Variants in IQCH observed in about 807,000 individuals in gnomAD.
IQCH encodes IQ domain-containing protein H.
In IQCH, 98 loss-of-function variants were observed where a neutral mutation model predicts 117.0. The ratio of observed to expected loss-of-function variants is 0.84; its 90% confidence interval spans 0.71 to 0.99. IQCH has a LOEUF of 0.99. Among genes scored for constraint, IQCH ranks in the 50% least tolerant of loss-of-function variants. IQCH has a pLI of 0.00. For missense variants in IQCH, 1,102 were observed against 1,243.8 expected (o/e 0.89, Z 1.72); for synonymous variants, 412 against 448.2 (o/e 0.92, Z 1.02).
In IQCH at chr15:67,417,680, T is replaced by A. The variant is rs759690199; in HGVS notation, c.2218+629T>A. The stretch of plus-strand genomic sequence containing the variant: ...ATTGGGTGGTCTATGAATGAGGGAA[T>A]GAATGGAGTGAATGATGCCTGTCTA... On this transcript the variant is annotated intron_variant, in intron 15 of 20. Transcript: ENST00000335894. This position sits in a 1 kb window ranked among gnomAD's most constrained non-coding sequence, Gnocchi z 4.3. Among the ~76,000 whole-genome samples the A allele has an allele frequency of 5.3e-5, 8 of 152,054 alleles. No individual in the cohort carries two copies. The highest frequency in any genetic ancestry group is 1.0e-4 in the Non-Finnish European group (7 of 68,022).
At chr15:67,347,875 A>G (rs1421591296) in intron 6 of IQCH, among the ~76,000 whole-genome samples, 1 of 147,530 alleles carries the variant, frequency 6.8e-6, no homozygotes, top group African/African-American at 2.5e-5. Context: ...ATATATTTAT[A>G]TATAGATATA....
In IQCH at chr15:67,417,163, A is replaced by G. The variant is rs1341305039; in HGVS notation, c.2218+112A>G. 2.3e-6 allele frequency: 2 copies of G among 866,422 alleles called. No individual in the cohort carries two copies. Among genetic ancestry groups the G allele is most frequent in the Non-Finnish European group, 3.3e-6 (2 of 602,060 alleles). The allele number at this position is 866,422 out of a possible 1,614,324, so 53.7% of individuals were successfully genotyped here. A position where few individuals can be genotyped will look rare whatever the true frequency, so the allele number is the denominator to read the frequency against. On this transcript the variant is annotated intron_variant, in intron 15 of 20. Coordinates refer to ENST00000335894, the MANE Select transcript of IQCH (RefSeq NM_001031715.3). The surrounding 1 kb of genome is among the most constrained non-coding windows in gnomAD (Gnocchi z 4.3). ...CTTTGCATCTCCTGTGTTGGTTTAG[A>G]AAAGTGCTCCTACGGTTTTCTTTTT...
Position 67,490,771 on chromosome 15 carries a change from C to T in IQCH, c.2861+707C>T, listed in dbSNP as rs1471531844. On this transcript the variant is annotated intron_variant, in intron 19 of 20. Transcript: ENST00000335894. This position sits in a 1 kb window ranked among gnomAD's most constrained non-coding sequence, Gnocchi z 4.9. ...TCCCCCTAACAGGCAGGATCTGTAGCTCCTCCTCAGATCCAGTTTCAACCC... is the reference window on the plus strand; with the variant it reads ...TCCCCCTAACAGGCAGGATCTGTAGTTCCTCCTCAGATCCAGTTTCAACCC... Among the ~76,000 whole-genome samples, 5 of 152,178 alleles carry T rather than the reference C, an allele frequency of 3.3e-5. No individual in the cohort carries two copies. The highest frequency in any genetic ancestry group is 1.2e-4 in the African/African-American group (5 of 41,440).
Position 67,490,505 on chromosome 15 carries a change from A to G in IQCH, c.2861+441A>G, listed in dbSNP as rs2083620053. On this transcript the variant is annotated intron_variant, in intron 19 of 20. Coordinates refer to ENST00000335894, the MANE Select transcript of IQCH (RefSeq NM_001031715.3). The surrounding 1 kb of genome is among the most constrained non-coding windows in gnomAD (Gnocchi z 4.9). The stretch of plus-strand genomic sequence containing the variant: ...AGGCCTGAGCCACTGCGCCCAGCCT[A>G]GGTATTTTATAAAATGACTTTAGAT... Among the ~76,000 whole-genome samples the G allele has an allele frequency of 6.6e-6, 1 of 152,142 alleles. No individual in the cohort carries two copies.
rs1483189867 is a variant in IQCH at position 67,369,337 on chromosome 15, A to G, written c.754-2774A>G. On this transcript the variant is annotated intron_variant, in intron 8 of 20. Coordinates refer to ENST00000335894, the MANE Select transcript of IQCH (RefSeq NM_001031715.3). This position sits in a 1 kb window ranked among gnomAD's most constrained non-coding sequence, Gnocchi z 5.2. ...GTGAATACAGGCATCTCGCAAAGGT[A>G]TGATTGTGACCCAAGAAGCACCAGG... Among the ~76,000 whole-genome samples, 1 of 152,192 alleles carries G rather than the reference A, an allele frequency of 6.6e-6. No homozygotes were observed. Among genetic ancestry groups the G allele is most frequent in the Non-Finnish European group, 1.5e-5 (1 of 68,038 alleles).
chr15:67,425,628 T>C lies in IQCH; in HGVS notation c.2505+4051T>C, dbSNP rs1262875689. Among the ~76,000 whole-genome samples the C allele has an allele frequency of 6.6e-6, 1 of 152,094 alleles. No individual in the cohort carries two copies. The highest frequency in any genetic ancestry group is 1.5e-5 in the Non-Finnish European group (1 of 68,004). On this transcript the variant is annotated intron_variant, in intron 16 of 20. Transcript: ENST00000335894. The surrounding 1 kb of genome is among the most constrained non-coding windows in gnomAD (Gnocchi z 5.5). ...CTCTGTCTCAAAAAACAAATTACTA[T>C]TTCCTCCCTTGTAATTGATTAGTAA...
At chr15:67,368,740 T>C (rs1016839920) in intron 8 of IQCH, among the ~76,000 whole-genome samples, 3 of 152,328 alleles carry the variant, frequency 2.0e-5, no homozygotes, top group Admixed American at 2.0e-4. Context: ...CATTTGCCAC[T>C]ATGAGATCCT....
rs2082973251 is a variant in IQCH, at chr15:67,467,855, A to G, written c.2676+2558A>G. On this transcript the variant is annotated intron_variant, in intron 17 of 20. Transcript: ENST00000335894. This position sits in a 1 kb window ranked among gnomAD's most constrained non-coding sequence, Gnocchi z 5.7. Reference sequence around the variant, plus strand: ...GCGCATTCAAAACTAATGCCTATAAAATGCTTCCAGTGTGGGCCCTTTTCT... The same window carrying G: ...GCGCATTCAAAACTAATGCCTATAAGATGCTTCCAGTGTGGGCCCTTTTCT... Among the ~76,000 whole-genome samples, 2 of 152,200 alleles carry G rather than the reference A, an allele frequency of 1.3e-5. No homozygotes were observed. The highest frequency in any genetic ancestry group is 2.9e-5 in the Non-Finnish European group (2 of 68,044).
At chr15:67,377,132 GA>G (rs1391146928) in intron 10 of IQCH, among the ~76,000 whole-genome samples, 1 of 140,344 alleles carries the variant, frequency 7.1e-6, no homozygotes, top group African/African-American at 2.6e-5. Context: ...AAAAAAAAAA[GA>G]AAAAAAGAAA....
Position 67,385,132 on chromosome 15 carries a change from A to G in IQCH, c.1456+113A>G. ...TGCTTATTTTTTTCCTCTACAAGGA[A>G]AAAGCTCAGATGTTTAATCTACTTA... On this transcript the variant is annotated intron_variant, in intron 11 of 20. Coordinates refer to ENST00000335894, the MANE Select transcript of IQCH (RefSeq NM_001031715.3). This position sits in a 1 kb window ranked among gnomAD's most constrained non-coding sequence, Gnocchi z 4.6. The G allele has an allele frequency of 1.6e-6, 1 of 622,670 alleles. No homozygotes were observed. The highest frequency in any genetic ancestry group is 2.8e-6 in the Non-Finnish European group (1 of 351,720). 38.6% of individuals were successfully genotyped at this position (622,670 alleles called of 1,614,324 possible).
At chr15:67,309,959 G>A (rs903717383) in intron 4 of IQCH, among the ~76,000 whole-genome samples, 2 of 150,070 alleles carry the variant, frequency 1.3e-5, no homozygotes, top group Non-Finnish European at 3.0e-5. Context: ...AACATTGCTG[G>A]CACATAATGG....
intron 3 of IQCH, among the ~76,000 whole-genome samples, chr15:67,265,585 A>T (rs1047542492): frequency 1.1e-4 from 16 of 152,224 alleles, no homozygotes; most frequent in Admixed American, 9.2e-4. Flanking sequence ...GAAAAATCCA[A>T]ACTGGGTCTT....
intron 18 of IQCH, among the ~76,000 whole-genome samples, chr15:67,482,790 A>G (rs2141067361): frequency 6.6e-6 from 1 of 152,312 alleles, no homozygotes; most frequent in East Asian, 1.9e-4. Context: ...GGGCCTGAGT[A>G]GGGCAGTAAT....
chr15:67,468,878 G>A (rs1286002992), intron 17 of IQCH, among the ~76,000 whole-genome samples: 2 of 152,124 alleles, frequency 1.3e-5, no homozygotes, highest in East Asian at 1.9e-4. Flanking sequence ...TATTACATAA[G>A]GATTTCAACT....
At chr15:67,415,991 A>G (rs1157468942) in intron 14 of IQCH, among the ~76,000 whole-genome samples, 2 of 152,146 alleles carry the variant, frequency 1.3e-5, no homozygotes, top group African/African-American at 2.4e-5. Context: ...TGAACCCAGG[A>G]GACTGAGGCT....
Position 67,416,068 on chromosome 15 carries a change from A to T in IQCH, c.2098-863A>T, listed in dbSNP as rs1015041432. Among the ~76,000 whole-genome samples the T allele has an allele frequency of 3.9e-5, 6 of 151,936 alleles. No individual in the cohort carries two copies. The South Asian group carries it at 6.2e-4, about 16-fold the overall frequency. On this transcript the variant is annotated intron_variant, in intron 14 of 20. Transcript: ENST00000335894. This position sits in a 1 kb window ranked among gnomAD's most constrained non-coding sequence, Gnocchi z 5.1. ...ACACAGCAAGACCCTGTCTCAAAAAATTTTTTTTAAAAATTAAAAAATATA... is the reference window on the plus strand; with the variant it reads ...ACACAGCAAGACCCTGTCTCAAAAATTTTTTTTTAAAAATTAAAAAATATA...
intron 10 of IQCH, among the ~76,000 whole-genome samples, chr15:67,380,916 G>A (rs1192099502): frequency 6.6e-6 from 1 of 152,174 alleles, no homozygotes; most frequent in African/African-American, 2.4e-5. Flanking sequence ...CTACTACTTG[G>A]TAATCAGGAG....
chr15:67,318,594 T>A (rs1967962899), intron 4 of IQCH, among the ~76,000 whole-genome samples: 1 of 152,216 alleles, frequency 6.6e-6, no homozygotes, highest in South Asian at 2.1e-4. Flanking sequence ...GGCCTCTTTT[T>A]TTCCCCCTAA....
intron 18 of IQCH, among the ~76,000 whole-genome samples, chr15:67,486,522 C>T (rs1446619852): frequency 6.6e-6 from 1 of 151,954 alleles, no homozygotes; most frequent in Admixed American, 6.6e-5. Context: ...AGTTGATGCC[C>T]GATCATTACT....
Sources: allele counts gnomAD v4.1 joint callset (sites outside exome capture counted in the v4.1 genomes callset), GRCh38; gene constraint gnomAD v4.1.1; non-coding constraint Gnocchi (gnomAD v3.1); transcripts MANE v1.5; gene names NCBI Gene and HGNC (gene_info 2026-07-23, HGNC 2026-07-21).